Variants in KCNIP4 observed in about 807,000 individuals in gnomAD.
KCNIP4 encodes potassium voltage-gated channel interacting protein 4, also known as Kv channel-interacting protein 4.
In KCNIP4, 12 loss-of-function variants were observed where a neutral mutation model predicts 34.0. The observed-to-expected ratio is 0.35, with a 90% confidence interval of 0.23 to 0.57. The LOEUF (loss-of-function observed/expected upper bound fraction) is 0.57. Ranked by LOEUF, KCNIP4 falls within the 20% of genes least tolerant of loss-of-function variation. The probability of loss-of-function intolerance (pLI) is 0.83; values close to 1 mark genes in which losing one functional copy is unlikely to be tolerated. For synonymous variants in KCNIP4, 124 were observed against 102.2 expected, an observed-to-expected ratio of 1.21 and a Z score of -1.29; for missense variants, 238 against 311.7, an observed-to-expected ratio of 0.76 and a Z score of 1.78.
intron 1 of KCNIP4, among the ~76,000 whole-genome samples, chr4:21,545,712 A>C (rs998946903): frequency 4.6e-5 from 7 of 151,796 alleles, no homozygotes; most frequent in African/African-American, 1.7e-4. Context: ...AAGGACATGA[A>C]CTCATCCTTT....
chr4:21,680,329 T>G (rs1027448788), intron 1 of KCNIP4, among the ~76,000 whole-genome samples: 1 of 152,242 alleles, frequency 6.6e-6, no homozygotes, highest in Non-Finnish European at 1.5e-5. Context: ...CACATCTCCA[T>G]GATCCATTTC....
intron 1 of KCNIP4, among the ~76,000 whole-genome samples, chr4:20,973,359 C>T (rs910441019): frequency 2.0e-5 from 3 of 152,208 alleles, no homozygotes; most frequent in Admixed American, 2.0e-4. Context: ...TCTTCTGTAG[C>T]TTCCTTACCT....
chr4:21,168,622 A>G (rs1197551014), intron 1 of KCNIP4, among the ~76,000 whole-genome samples: 1 of 152,202 alleles, frequency 6.6e-6, no homozygotes, highest in Non-Finnish European at 1.5e-5. Context: ...TTTTCAGAAA[A>G]GAACTCAACA....
chr4:20,839,159 C>G (rs139031038), intron 3 of KCNIP4, among the ~76,000 whole-genome samples: 97 of 152,106 alleles, frequency 6.4e-4, no homozygotes, highest in African/African-American at 1.9e-3. Flanking sequence ...AGGGAGGTGA[C>G]TCTCAAATCT....
chr4:21,118,482 A>G (rs1749876583), intron 1 of KCNIP4, among the ~76,000 whole-genome samples: 1 of 152,178 alleles, frequency 6.6e-6, no homozygotes, highest in Admixed American at 6.5e-5. Flanking sequence ...GCACTCCTGA[A>G]GCCTTCCCAT....
At chr4:21,618,511 C>T (rs548193319) in intron 1 of KCNIP4, among the ~76,000 whole-genome samples, 1 of 151,744 alleles carries the variant, frequency 6.6e-6, no homozygotes, top group East Asian at 1.9e-4. Flanking sequence ...GTGGATCATT[C>T]TTTCCTCTTG....
chr4:20,986,479 G>T (rs533117256), intron 1 of KCNIP4, among the ~76,000 whole-genome samples: 1 of 151,958 alleles, frequency 6.6e-6, no homozygotes, highest in Non-Finnish European at 1.5e-5. Flanking sequence ...GCTACAGAAA[G>T]TCAAAAGTTA....
intron 1 of KCNIP4, among the ~76,000 whole-genome samples, chr4:21,409,329 G>C (rs982842286): frequency 1.3e-5 from 2 of 151,784 alleles, no homozygotes; most frequent in Non-Finnish European, 2.9e-5. Context: ...TGTTTCCCAG[G>C]TTGGTCTCAA....
chr4:21,086,685 C>T (rs536754204), intron 1 of KCNIP4, among the ~76,000 whole-genome samples: 1 of 152,218 alleles, frequency 6.6e-6, no homozygotes, highest in South Asian at 2.1e-4. Context: ...GGTTCTTCTC[C>T]TAGCCAAGAA....
At chr4:21,121,749 T>G in intron 1 of KCNIP4, among the ~76,000 whole-genome samples, 1 of 152,204 alleles carries the variant, frequency 6.6e-6, no homozygotes. Context: ...TTTGCTTATC[T>G]AGGTTAATTA....
At chr4:21,476,225 C>CATGT (rs200112226) in intron 1 of KCNIP4, among the ~76,000 whole-genome samples, 18,947 of 152,134 alleles carry the variant, frequency 0.12, 1,341 homozygotes, top group South Asian at 0.21. Flanking sequence ...CCTATACTTA[C>CATGT]CTGTCTATCT....
chr4:21,283,839 GAC>G (rs1321597553), intron 1 of KCNIP4, among the ~76,000 whole-genome samples: 3 of 151,294 alleles, frequency 2.0e-5, no homozygotes, highest in African/African-American at 7.3e-5. Context: ...CTACTATAAA[GAC>G]ACACACACAA....
chr4:20,877,161 G>A (rs1724133811), intron 2 of KCNIP4, among the ~76,000 whole-genome samples: 1 of 152,140 alleles, frequency 6.6e-6, no homozygotes, highest in Non-Finnish European at 1.5e-5. Context: ...CTTATCATCT[G>A]GGCTCGCTCT....
At chr4:21,774,949 T>C (rs1719072176) in intron 1 of KCNIP4, among the ~76,000 whole-genome samples, 1 of 152,322 alleles carries the variant, frequency 6.6e-6, no homozygotes, top group South Asian at 2.1e-4. Flanking sequence ...ACTTCTGTCA[T>C]TTCATCCATC....
intron 1 of KCNIP4, among the ~76,000 whole-genome samples, chr4:20,987,010 C>T (rs1002104831): frequency 4.6e-5 from 7 of 152,054 alleles, no homozygotes; most frequent in Non-Finnish European, 8.8e-5. Flanking sequence ...ACATGCACCC[C>T]CAGCTGTGAG....
At chr4:21,684,603 T>C (rs915933363) in intron 1 of KCNIP4, among the ~76,000 whole-genome samples, 1 of 152,172 alleles carries the variant, frequency 6.6e-6, no homozygotes, top group African/African-American at 2.4e-5. Flanking sequence ...TTTTTTACTA[T>C]ACTTTATATC....
intron 1 of KCNIP4, among the ~76,000 whole-genome samples, chr4:21,289,543 T>C (rs1763312307): frequency 6.6e-6 from 1 of 152,106 alleles, no homozygotes; most frequent in Non-Finnish European, 1.5e-5. Flanking sequence ...AATCTAGTAA[T>C]GAAAGAGGAA....
At chr4:21,602,249 T>C (rs1032507010) in intron 1 of KCNIP4, among the ~76,000 whole-genome samples, 1 of 152,150 alleles carries the variant, frequency 6.6e-6, no homozygotes, top group Non-Finnish European at 1.5e-5. Context: ...TTGCTCCATG[T>C]CTCATTACAG....
At chr4:20,969,876 ATTAAGT>A (rs1277871486) in intron 1 of KCNIP4, among the ~76,000 whole-genome samples, 1 of 152,030 alleles carries the variant, frequency 6.6e-6, no homozygotes, top group Admixed American at 6.6e-5. Flanking sequence ...ATACAATATT[ATTAAGT>A]TTAAGGGATC....
Sources: gnomAD v4.1 joint callset for allele counts (sites outside exome capture counted in the v4.1 genomes callset) on GRCh38, gnomAD v4.1.1 for gene constraint, MANE v1.5 for transcripts, NCBI Gene and HGNC (gene_info 2026-07-23, HGNC 2026-07-21) for gene names.